RNFT2: variants seen among roughly 807,000 people sequenced by gnomAD.
RNFT2 encodes the protein E3 ubiquitin-protein ligase RNFT2.
A neutral mutation model predicts 53.0 loss-of-function variants in RNFT2; 36 were observed. That is an observed-to-expected ratio of 0.68 (90% CI 0.52 to 0.90). RNFT2 has a LOEUF of 0.90. RNFT2 is among the 40% of genes least tolerant of loss of function. The pLI is 0.00. For missense variants in RNFT2, 514 were observed against 585.6 expected (o/e 0.88, Z 1.26); for synonymous variants, 260 against 253.2 (o/e 1.03, Z -0.26).
chr12:116,845,274 T>TAGAG lies in RNFT2; in HGVS notation c.1201-4021_1201-4018dup, dbSNP rs3069215. ...AAAAAAAAAAATATATATATATATA[T>TAGAG]AGAGAGAGAGAGAGAGAGAGAGCTC... On this transcript the variant is annotated intron_variant, in intron 10 of 10. Transcript: ENST00000257575. Among the ~76,000 whole-genome samples, 81 of 125,412 alleles carry TAGAG rather than the reference T, an allele frequency of 6.5e-4. 1 individual carries two copies. Among genetic ancestry groups the TAGAG allele is most frequent in the African/African-American group, 2.4e-3 (71 of 29,724 alleles). 82.3% of individuals were successfully genotyped at this position (125,412 alleles called of 152,430 possible).
chr12:116,845,014 GGGAGGATCACATGAAGCCA>G, intron 10 of RNFT2, among the ~76,000 whole-genome samples: 1 of 152,126 alleles, frequency 6.6e-6, no homozygotes, highest in East Asian at 1.9e-4. Context: ...AGGCCAAGGT[GGGAGGATCACATGAAGCCA>G]GGAGTTTGAG....
At chr12:116,773,209 G>T (rs976372812) in intron 6 of RNFT2, among the ~76,000 whole-genome samples, 3 of 152,312 alleles carry the variant, frequency 2.0e-5, no homozygotes, top group Admixed American at 2.0e-4. Context: ...TGATCTGCCC[G>T]CCTTGGCCTC....
chr12:116,807,001 G>A (rs544186256), intron 7 of RNFT2, among the ~76,000 whole-genome samples: 1 of 152,226 alleles, frequency 6.6e-6, no homozygotes, highest in Admixed American at 6.5e-5. Context: ...CCCGGAAATG[G>A]CTCCCGTCAC....
intron 5 of RNFT2, chr12:116,756,009 G>T: frequency 1.6e-6 from 1 of 625,920 alleles, no homozygotes; most frequent in Non-Finnish European, 2.8e-6. Flanking sequence ...GATGCCTCCA[G>T]CTTTTTCTTT....
rs1016553189 is a variant in RNFT2 at position 116,755,666 on chromosome 12, T to C, written c.627+1606T>C. 1.9e-5 allele frequency: 28 copies of C among 1,447,200 alleles called. No individual in the cohort carries two copies. The African/African-American group carries it at 2.5e-4, about 13-fold the overall frequency. 89.6% of individuals were successfully genotyped at this position (1,447,200 alleles called of 1,614,324 possible). A position where few individuals can be genotyped will look rare whatever the true frequency, so the allele number is the denominator to read the frequency against. On this transcript the variant is annotated intron_variant, in intron 5 of 10. Transcript: ENST00000257575. The stretch of plus-strand genomic sequence containing the variant: ...TTTGTTTACAACAATGCCAACAGCA[T>C]GCTGGGTAACATTGTAGACTCTTCC...
chr12:116,819,825 A>G (rs1875915447), intron 7 of RNFT2, among the ~76,000 whole-genome samples: 1 of 152,184 alleles, frequency 6.6e-6, no homozygotes, highest in Admixed American at 6.5e-5. Context: ...ATATGTAATC[A>G]CTCAGATCAA....
chr12:116,825,007 C>T (rs1221861386), intron 7 of RNFT2, among the ~76,000 whole-genome samples: 3 of 152,142 alleles, frequency 2.0e-5, no homozygotes, highest in East Asian at 1.9e-4. Flanking sequence ...CAGGACACAC[C>T]GGGTACAGCT....
chr12:116,847,398 A>G (rs555997237), intron 10 of RNFT2, among the ~76,000 whole-genome samples: 100 of 152,224 alleles, frequency 6.6e-4, no homozygotes, highest in African/African-American at 2.2e-3. Flanking sequence ...TCTTCCAATG[A>G]GGGGGTTCTA....
rs1877951538 is a variant in RNFT2 at position 116,851,975 on chromosome 12, T to C, written c.*2527T>C. ...AGAGCAAACAGGACAACCTATGTTA[T>C]GGATGTTTCCACCAACCAGGGTAGT... On this transcript the variant is annotated 3_prime_UTR_variant, in exon 11 of 11. Transcript: ENST00000257575. 10 of 1,500,990 alleles carry C rather than the reference T, an allele frequency of 6.7e-6. No individual in the cohort carries two copies. The highest frequency in any genetic ancestry group is 2.2e-5 in the Admixed American group (1 of 44,880). The allele number at this position is 1,500,990 out of a possible 1,614,324, so 93.0% of individuals were successfully genotyped here.
At position 116,745,497 on chromosome 12, in the gene RNFT2, G is replaced by A. The variant is rs376035842; in HGVS notation, c.84-4344G>A. ...GCCTGCTTCAAACTCCTGACCTCAA[G>A]TGATCTGCCCACCTCAGCCTCCCAA... On this transcript the variant is annotated intron_variant, in intron 3 of 10. Transcript: ENST00000257575. 1.8e-4 allele frequency among the ~76,000 whole-genome samples: 28 copies of A among 152,086 alleles called. No individual in the cohort carries two copies. In the East Asian group the frequency reaches 3.1e-3, roughly 17 times the overall value.
At chr12:116,751,171 C>A (rs886709095) in intron 4 of RNFT2, among the ~76,000 whole-genome samples, 6 of 151,620 alleles carry the variant, frequency 4.0e-5, no homozygotes, top group African/African-American at 1.5e-4. Context: ...CCACCTAAGC[C>A]TCCCAAAGTG....
chr12:116,762,518 C>A (rs1052371968), intron 5 of RNFT2, among the ~76,000 whole-genome samples: 3 of 152,040 alleles, frequency 2.0e-5, no homozygotes, highest in Admixed American at 6.5e-5. Context: ...GGGAGGATCC[C>A]TTGAACCCAG....
intron 10 of RNFT2, among the ~76,000 whole-genome samples, chr12:116,838,099 T>C (rs1877072530): frequency 6.6e-6 from 1 of 152,222 alleles, no homozygotes; most frequent in South Asian, 2.1e-4. Flanking sequence ...AACTCTATCT[T>C]AGAGATTGCT....
In RNFT2 at chr12:116,759,948, A is replaced by AG. The variant is rs1173231724; in HGVS notation, c.627+5891dup. 2.6e-5 allele frequency among the ~76,000 whole-genome samples: 4 copies of AG among 152,218 alleles called. No individual in the cohort carries two copies. The South Asian group carries it at 8.3e-4, about 32-fold the overall frequency. ...TCTATGGCCTTTGTCTTCCGCTACC[A>AG]GGGTGGGTAGGAGGGAAGGACCATC... On this transcript the variant is annotated intron_variant, in intron 5 of 10. Coordinates refer to ENST00000257575, the MANE Select transcript of RNFT2 (RefSeq NM_001382266.1).
In RNFT2 at chr12:116,750,277, C is replaced by T. The variant is rs200331112; in HGVS notation, c.520C>T (p.Leu174=). The T allele has an allele frequency of 3.7e-4, 588 of 1,604,978 alleles. 12 individuals are homozygous for T. In the East Asian group the frequency reaches 0.013, roughly 35 times the overall value. Residue 174 remains leucine, a synonymous_variant, in exon 4 of 11, where the codon CTG becomes TTG. Transcript: ENST00000257575. Reference sequence around the variant, plus strand: ...AGGACTCCCCTTCATCCTGATCCTCCTGGCCAAACTGTGCTTTCAGCATAA... The same window carrying T: ...AGGACTCCCCTTCATCCTGATCCTCTTGGCCAAACTGTGCTTTCAGCATAA... ...QKGLPFILIL[L]AKLCFQHKLG... is the part of the protein sequence containing the mutation.
intron 7 of RNFT2, among the ~76,000 whole-genome samples, chr12:116,784,085 C>T (rs1873825123): frequency 6.6e-6 from 1 of 152,250 alleles, no homozygotes; most frequent in Non-Finnish European, 1.5e-5. Flanking sequence ...AGAGCAAAGT[C>T]AGACCACCAG....
chr12:116,738,903 G>A (rs1871451629), intron 1 of RNFT2, among the ~76,000 whole-genome samples: 1 of 152,180 alleles, frequency 6.6e-6, no homozygotes, highest in Non-Finnish European at 1.5e-5. Flanking sequence ...GGGGCGAGAG[G>A]AGGATTAAGT....
chr12:116,742,278 T>C (rs558676997), intron 3 of RNFT2, among the ~76,000 whole-genome samples: 391 of 149,836 alleles, frequency 2.6e-3, no homozygotes, highest in Admixed American at 5.0e-3. Context: ...TTTTTTTTTT[T>C]TTTTTTTGAG....
chr12:116,800,395 G>T (rs1453861751), intron 7 of RNFT2, among the ~76,000 whole-genome samples: 3 of 151,994 alleles, frequency 2.0e-5, no homozygotes, highest in Admixed American at 6.6e-5. Flanking sequence ...CACTTTGGAA[G>T]GCTGAAGCGG....
Sources: gnomAD v4.1 joint callset for allele counts (sites outside exome capture counted in the v4.1 genomes callset) on GRCh38, gnomAD v4.1.1 for gene constraint, MANE v1.5 for transcripts, NCBI Gene and HGNC (gene_info 2026-07-23, HGNC 2026-07-21) for gene names.